NPC1: variants seen among roughly 807,000 people sequenced by gnomAD.
NPC1 encodes Niemann-Pick C1 protein.
NPC1 carries 85 observed loss-of-function variants against 140.4 expected under a neutral mutation model. The ratio of observed to expected loss-of-function variants is 0.61; its 90% confidence interval spans 0.51 to 0.72. NPC1 has a LOEUF of 0.72. Among genes scored for constraint, NPC1 ranks in the 30% least tolerant of loss-of-function variants. The pLI is 0.00. For synonymous variants in NPC1, 656 were observed against 624.8 expected (o/e 1.05, Z -0.74); for missense variants, 1,504 against 1,623.8 (o/e 0.93, Z 1.27).
In NPC1 at chr18:23,541,202, G is replaced by A. The variant is rs762138254; in HGVS notation, c.2380C>T (p.Arg794Trp). The change falls in exon 16 of 25, where the codon CGG becomes TGG. Residue 794 changes from arginine to tryptophan, a missense_variant. Coordinates refer to ENST00000269228, the MANE Select transcript of NPC1 (RefSeq NM_000271.5). Reference protein sequence around the residue: ...GLDIKRQEKNRLDIFCCVRGA... With the variant: ...GLDIKRQEKNWLDIFCCVRGA... ...CTGACACAGCAAAAGATGTCTAGCC[G>A]ATTTTTCTGAGGGGACAGAGGGAAA... The A allele has an allele frequency of 1.5e-5, 24 of 1,614,192 alleles. No homozygotes were observed. Among genetic ancestry groups the A allele is most frequent in the Middle Eastern group, 3.3e-4 (2 of 6,062 alleles).
chr18:23,515,486 T>A (rs186381315), intron 3 of NPC1, among the ~76,000 whole-genome samples: 14 of 152,344 alleles, frequency 9.2e-5, no homozygotes, highest in African/African-American at 3.4e-4. Flanking sequence ...CTGCTTTTTA[T>A]TCTCAGAGCG....
At chr18:23,526,182 GT>G (rs2058293135), downstream of NPC1, among the ~76,000 whole-genome samples, 1 of 152,230 alleles carries the variant, frequency 6.6e-6, no homozygotes, top group African/African-American at 2.4e-5. Flanking sequence ...GAATGGATGA[GT>G]TATGATGTTC....
At chr18:23,554,070 C>T (rs2058913619) in intron 9 of NPC1, among the ~76,000 whole-genome samples, 1 of 152,162 alleles carries the variant, frequency 6.6e-6, no homozygotes, top group South Asian at 2.1e-4. Context: ...GAGGCAGCTG[C>T]ACTCCTCAAT....
Position 23,586,446 on chromosome 18 carries a change from G to GAGCGGAGGAGCAGGAGC in NPC1, c.-120_-104dup. On this transcript the variant is annotated 5_prime_UTR_variant, in exon 1 of 25. Transcript: ENST00000269228. ...GCTGTTTCAGCACCCCGCGCAGGAG[G>GAGCGGAGGAGCAGGAGC]AGCGGAGGAGCAGGAGCAGGCGCTG... 3.3e-6 allele frequency: 5 copies of GAGCGGAGGAGCAGGAGC among 1,502,430 alleles called. No homozygotes were observed. In the South Asian group the frequency reaches 3.8e-5, roughly 11 times the overall value. 93.1% of individuals were successfully genotyped at this position (1,502,430 alleles called of 1,614,324 possible).
intron 4 of NPC1, among the ~76,000 whole-genome samples, chr18:23,563,511 C>G (rs2059074433): frequency 6.6e-6 from 1 of 152,100 alleles, no homozygotes; most frequent in African/African-American, 2.4e-5. Context: ...AACCTCTGCC[C>G]CTCAGGCTCA....
chr18:23,543,816 G>C (rs749619157), intron 13 of NPC1, among the ~76,000 whole-genome samples: 18 of 152,128 alleles, frequency 1.2e-4, no homozygotes, highest in Non-Finnish European at 2.5e-4. Context: ...AAAACACTCG[G>C]AACACAGGCG....
At chr18:23,518,771 T>C (rs900303996), downstream of NPC1, 8 of 841,850 alleles carry the variant, frequency 9.5e-6, no homozygotes, top group Admixed American at 7.6e-5. Context: ...TAAACACTTG[T>C]TGGCAGCAAA....
chr18:23,525,859 TC>T (rs2058284271), downstream of NPC1, among the ~76,000 whole-genome samples: 1 of 152,242 alleles, frequency 6.6e-6, no homozygotes, highest in Non-Finnish European at 1.5e-5. Flanking sequence ...CCTCTGGAAT[TC>T]CTAAGAACTC....
rs1555634632 is a variant in NPC1 at position 23,544,945 on chromosome 18, C to CCCCCA, written c.1947+14_1947+15insTGGGG. On this transcript the variant is annotated intron_variant, in intron 12 of 24. Transcript: ENST00000269228. ...TGTTAACCTCTAGAACATACACCAC[C>CCCCCA]CCCCCCCGGCTTACCAGAAGCCTGC... The CCCCCA allele has an allele frequency of 3.8e-5, 49 of 1,291,188 alleles. No individual in the cohort carries two copies. The East Asian group carries it at 1.1e-3, about 29-fold the overall frequency. The allele number at this position is 1,291,188 out of a possible 1,614,324, so 80.0% of individuals were successfully genotyped here.
chr18:23,560,553 A>G (rs1167141343), intron 5 of NPC1, 73 bp from the exon 6 acceptor site: 1 of 1,486,580 alleles, frequency 6.7e-7, no homozygotes. Flanking sequence ...ACTTAAACTC[A>G]AAGAAAAGCC....
At chr18:23,508,665 T>C (rs907360385) in intron 3 of NPC1, 22 of 152,314 alleles carry the variant, frequency 1.4e-4, no homozygotes, top group Non-Finnish European at 2.8e-4. Context: ...GGCGGACTCT[T>C]TGGTGAGGAG....
In NPC1 at chr18:23,556,465, C is replaced by G. The variant is rs889802906; in HGVS notation, c.1104G>C (p.Leu368=). The change falls in exon 8 of 25, where the codon CTG becomes CTC. Residue 368 remains leucine (L), a synonymous_variant. Transcript: ENST00000269228. ...GATTGGTTGTGACCCGGACAAACAC[C>G]AGGCCTGACGAACACGCAGTAATGA... The part of the protein sequence containing the change: ...LVFITACSSG[L]VFVRVTTNPV... 1 of 1,614,166 alleles carries G rather than the reference C, an allele frequency of 6.2e-7. No individual in the cohort carries two copies. The highest frequency in any genetic ancestry group is 8.5e-7 in the Non-Finnish European group (1 of 1,180,032).
intron 7 of NPC1, 119 bp from the exon 8 acceptor site, chr18:23,556,732 C>T (rs1222382848): frequency 1.4e-6 from 2 of 1,475,914 alleles, no homozygotes; most frequent in African/African-American, 1.4e-5. Flanking sequence ...CCTGGGGACA[C>T]ATATGAGACC....
At position 23,553,349 on chromosome 18, in the gene NPC1, C is replaced by T. The variant is rs562581606; in HGVS notation, c.1553+1409G>A. Among the ~76,000 whole-genome samples, 35 of 152,304 alleles carry T rather than the reference C, an allele frequency of 2.3e-4. 1 individual carries two copies. Among genetic ancestry groups the T allele is most frequent in the African/African-American group, 8.4e-4 (35 of 41,560 alleles). ...CTTCAAATTACCCATGGCTCGTCTG[C>T]ACCGTCTACCCTGTGGAGAATGCCG... On this transcript the variant is annotated intron_variant, in intron 9 of 24. Transcript: ENST00000269228.
intron 4 of NPC1, among the ~76,000 whole-genome samples, chr18:23,567,611 T>C (rs913058653): frequency 6.6e-6 from 1 of 152,240 alleles, no homozygotes; most frequent in Non-Finnish European, 1.5e-5. Flanking sequence ...TCTTCAATTT[T>C]TCACAATCAC....
intron 1 of NPC1, among the ~76,000 whole-genome samples, chr18:23,580,966 TTGTG>T (rs1355538241): frequency 2.0e-5 from 3 of 152,208 alleles, no homozygotes; most frequent in Admixed American, 2.0e-4. Context: ...AAAGGATAAT[TTGTG>T]TGTGCACCAG....
chr18:23,523,736 ATAAT>A (rs1017503744), intron 1 of NPC1, among the ~76,000 whole-genome samples: 14 of 152,132 alleles, frequency 9.2e-5, no homozygotes, highest in Non-Finnish European at 1.5e-4. Context: ...AAAAAAAAAG[ATAAT>A]TAAGCTACAA....
rs369527939 is a variant in NPC1, at chr18:23,532,194, C to A, written c.*8G>T. The stretch of plus-strand genomic sequence containing the variant: ...GACACAGTTCAGTCAGGATGCCCTG[C>A]GAGAGGGCTAGAAATTTAGAAGCCG... On this transcript the variant is annotated 3_prime_UTR_variant, in exon 25 of 25. Coordinates refer to ENST00000269228, the MANE Select transcript of NPC1 (RefSeq NM_000271.5). 3 of 1,613,938 alleles carry A rather than the reference C, an allele frequency of 1.9e-6. No individual in the cohort carries two copies. The African/African-American group carries it at 4.0e-5, about 22-fold the overall frequency.
chr18:23,563,986 A>G (rs1347246685), intron 4 of NPC1, among the ~76,000 whole-genome samples: 6 of 56,668 alleles, frequency 1.1e-4, no homozygotes, highest in African/African-American at 1.6e-4. Flanking sequence ...GAGTAGTAAG[A>G]GTTTTTTTTT....
Sources: gnomAD v4.1 joint callset for allele counts (sites outside exome capture counted in the v4.1 genomes callset) on GRCh38, gnomAD v4.1.1 for gene constraint, MANE v1.5 for transcripts, NCBI Gene and HGNC (gene_info 2026-07-23, HGNC 2026-07-21) for gene names.